Variants in MAPK10 observed in about 807,000 individuals in gnomAD.
MAPK10 encodes the protein mitogen-activated protein kinase 10, also known as JNK3 alpha protein kinase.
In MAPK10, 25 loss-of-function variants were observed where a neutral mutation model predicts 59.3. The observed-to-expected ratio is 0.42, with a 90% CI of 0.31 to 0.59. MAPK10 has a LOEUF of 0.59. Ranked by LOEUF, MAPK10 falls within the 20% of genes least tolerant of loss-of-function variation. MAPK10 has a pLI of 0.15. For missense variants in MAPK10, 351 were observed against 568.9 expected (o/e 0.62, Z 3.90); for synonymous variants, 190 against 200.5 (o/e 0.95, Z 0.44).
intron 11 of MAPK10, among the ~76,000 whole-genome samples, chr4:86,056,141 T>C (rs2044507324): frequency 6.7e-6 from 1 of 150,144 alleles, no homozygotes; most frequent in Non-Finnish European, 1.5e-5. Flanking sequence ...ACAGTCTGTA[T>C]AGAGAGCTGT....
chr4:86,321,537 A>C (rs2095891331), intron 2 of MAPK10, among the ~76,000 whole-genome samples: 1 of 142,704 alleles, frequency 7.0e-6, no homozygotes, highest in Admixed American at 7.7e-5. Context: ...TTGAGCAATG[A>C]GAACACATGG....
At chr4:86,476,541 C>T (rs757542117) in intron 1 of MAPK10, among the ~76,000 whole-genome samples, 4 of 152,054 alleles carry the variant, frequency 2.6e-5, no homozygotes, top group Non-Finnish European at 5.9e-5. Flanking sequence ...GCTTTAAAGC[C>T]CTAGACCCTG....
intron 13 of MAPK10, among the ~76,000 whole-genome samples, chr4:86,021,875 C>A (rs567566289): frequency 6.6e-6 from 1 of 152,354 alleles, no homozygotes; most frequent in Admixed American, 6.5e-5. Context: ...CTGCCCGGGG[C>A]CAGCAGGGCT....
chr4:86,445,399 A>G (rs1400167705), intron 1 of MAPK10, among the ~76,000 whole-genome samples: 7 of 152,078 alleles, frequency 4.6e-5, no homozygotes, highest in Non-Finnish European at 7.4e-5. Context: ...GAGGGGAACA[A>G]CACATACTGG....
intron 2 of MAPK10, among the ~76,000 whole-genome samples, chr4:86,199,659 CAT>C (rs918038804): frequency 3.9e-5 from 6 of 152,100 alleles, no homozygotes; most frequent in African/African-American, 7.2e-5. Flanking sequence ...GGGGTTCACA[CAT>C]GTTTGTTACA....
At chr4:86,164,703 C>T (rs1231961423) in intron 3 of MAPK10, 1 of 152,084 alleles carries the variant, frequency 6.6e-6, no homozygotes, top group Non-Finnish European at 1.5e-5. Flanking sequence ...TATTGCTTAC[C>T]TACTATAGAC....
chr4:86,134,023 C>T (rs1215097944), intron 4 of MAPK10, among the ~76,000 whole-genome samples: 2 of 152,174 alleles, frequency 1.3e-5, no homozygotes, highest in African/African-American at 4.8e-5. Flanking sequence ...CTTTTGCATG[C>T]AAACTATCAG....
At chr4:86,130,076 A>G (rs1033024383) in intron 4 of MAPK10, among the ~76,000 whole-genome samples, 2 of 152,158 alleles carry the variant, frequency 1.3e-5, no homozygotes, top group Admixed American at 6.6e-5. Flanking sequence ...TACAAAAATA[A>G]TATCTCTTTT....
chr4:86,218,642 G>A, intron 2 of MAPK10, among the ~76,000 whole-genome samples: 1 of 148,246 alleles, frequency 6.7e-6, no homozygotes, highest in Admixed American at 6.8e-5. Context: ...CTCTGAACAA[G>A]TAGTATCATT....
intron 5 of MAPK10, among the ~76,000 whole-genome samples, chr4:86,106,393 A>AT (rs2056535484): frequency 6.6e-6 from 1 of 150,500 alleles, no homozygotes; most frequent in Admixed American, 6.6e-5. Context: ...TTATCTTTTG[A>AT]TTTTTAAGAA....
At chr4:86,291,965 G>A (rs2095240795) in intron 2 of MAPK10, among the ~76,000 whole-genome samples, 1 of 152,106 alleles carries the variant, frequency 6.6e-6, no homozygotes, top group South Asian at 2.1e-4. Context: ...TCAAGAAAAA[G>A]GACCATTACA....
chr4:86,281,320 G>A (rs1405945013), intron 2 of MAPK10, among the ~76,000 whole-genome samples: 1 of 151,750 alleles, frequency 6.6e-6, no homozygotes, highest in Non-Finnish European at 1.5e-5. Context: ...CCAACATGGT[G>A]AAACCTCATC....
chr4:86,482,586 A>G (rs1753692109), intron 1 of MAPK10, among the ~76,000 whole-genome samples: 1 of 152,170 alleles, frequency 6.6e-6, no homozygotes, highest in African/African-American at 2.4e-5. Flanking sequence ...ACAATGAGAA[A>G]TTGTTGATTG....
chr4:86,550,956 C>T (rs912840574), intron 1 of MAPK10, among the ~76,000 whole-genome samples: 3 of 152,132 alleles, frequency 2.0e-5, no homozygotes, highest in Non-Finnish European at 4.4e-5. Context: ...CTGAAAGTGA[C>T]GTACATCACT....
intron 2 of MAPK10, chr4:86,326,307 G>C (rs539551875): frequency 2.0e-5 from 3 of 152,312 alleles, no homozygotes; most frequent in South Asian, 4.1e-4. Flanking sequence ...CGGCTTTATG[G>C]AAGTACCTAC....
At position 86,541,740 on chromosome 4, in the gene MAPK10, T is replaced by C. The variant is rs533358057; in HGVS notation, c.-263+52170A>G. ...TTCTCTATTCTGAGAAAAAAGCAGC[T>C]CTGAGTTTCTGCTGCAGAGCTCCCT... On this transcript the variant is annotated intron_variant, in intron 1 of 4. Coordinates refer to the MAPK10 transcript ENST00000502302. Among the ~76,000 whole-genome samples, 4 of 152,272 alleles carry C rather than the reference T, an allele frequency of 2.6e-5. No individual in the cohort carries two copies. The East Asian group carries it at 5.8e-4, about 22-fold the overall frequency.
chr4:86,143,171 C>T (rs757851733), intron 4 of MAPK10, among the ~76,000 whole-genome samples: 4 of 152,124 alleles, frequency 2.6e-5, no homozygotes, highest in Non-Finnish European at 5.9e-5. Flanking sequence ...GCTTGTAAAA[C>T]CACCAGATCT....
intron 1 of MAPK10, among the ~76,000 whole-genome samples, chr4:86,403,954 C>A (rs920231412): frequency 6.6e-6 from 1 of 152,138 alleles, no homozygotes; most frequent in African/African-American, 2.4e-5. Context: ...TTTTCTCCCC[C>A]TTCCGATCTC....
chr4:86,579,541 A>G (rs1762121965), intron 1 of MAPK10, among the ~76,000 whole-genome samples: 1 of 147,812 alleles, frequency 6.8e-6, no homozygotes, highest in Non-Finnish European at 1.5e-5. Flanking sequence ...ACACACACAC[A>G]CACACACACA....
Sources: gnomAD v4.1 joint callset for allele counts (sites outside exome capture counted in the v4.1 genomes callset) on GRCh38, gnomAD v4.1.1 for gene constraint, MANE v1.5 for transcripts, NCBI Gene and HGNC (gene_info 2026-07-23, HGNC 2026-07-21) for gene names.